DOCK1: variants seen among roughly 807,000 people sequenced by gnomAD.
The protein encoded by DOCK1 is dedicator of cytokinesis protein 1.
Under a neutral mutation model 262.7 loss-of-function variants are expected in DOCK1, and 138 were observed. The observed-to-expected ratio is 0.53, with a 90% CI of 0.46 to 0.61. DOCK1 has a LOEUF of 0.61. Ranked by LOEUF, DOCK1 falls within the 20% of genes least tolerant of loss-of-function variation. The pLI, the probability that DOCK1 is intolerant of heterozygous loss-of-function variation, is 0.00. For synonymous variants in DOCK1, 866 were observed against 867.4 expected (o/e 1.00, Z 0.03); for missense variants, 1,908 against 2,370.7 (o/e 0.80, Z 4.05).
chr10:126,949,108 C>G (rs1564999206), intron 1 of DOCK1, among the ~76,000 whole-genome samples: 6 of 152,122 alleles, frequency 3.9e-5, no homozygotes, highest in Non-Finnish European at 1.5e-5. Context: ...GAGGTGCATC[C>G]TGCCCTTGCT....
chr10:127,087,997 G>T lies in DOCK1; in HGVS notation c.2446-18234G>T, dbSNP rs536117500. 3.9e-5 allele frequency among the ~76,000 whole-genome samples: 6 copies of T among 152,224 alleles called. No homozygotes were observed. The South Asian group carries it at 1.2e-3, about 32-fold the overall frequency. ...TGTAATTATTTTCTTGCCAGCGTTC[G>T]TATTTAATTGCTAAGTTTTCTCTGA... On this transcript the variant is annotated intron_variant, in intron 23 of 51. Transcript: ENST00000623213.
intron 27 of DOCK1, among the ~76,000 whole-genome samples, chr10:127,211,730 A>G (rs1324226699): frequency 2.6e-5 from 4 of 152,208 alleles, no homozygotes; most frequent in African/African-American, 9.7e-5. Context: ...TGAAAAGTGA[A>G]GACGTCATGA....
intron 49 of DOCK1, among the ~76,000 whole-genome samples, chr10:127,441,422 C>A (rs578064510): frequency 6.6e-6 from 1 of 152,340 alleles, no homozygotes; most frequent in South Asian, 2.1e-4. Context: ...CAGCTTGAAC[C>A]TTCCAGCACC....
chr10:126,952,518 ATTC>A (rs1180418406), intron 1 of DOCK1, among the ~76,000 whole-genome samples: 2 of 142,518 alleles, frequency 1.4e-5, no homozygotes, highest in South Asian at 2.3e-4. Flanking sequence ...TGGTGTTGTT[ATTC>A]TTGGTAGTAC....
intron 18 of DOCK1, 77 bp downstream of exon 18, chr10:127,032,397 G>A: frequency 1.4e-6 from 2 of 1,429,732 alleles, no homozygotes; most frequent in African/African-American, 1.4e-5. Context: ...CTTCCTATGT[G>A]GAGGTGTGCT....
At chr10:127,153,959 G>T (rs369528960) in intron 27 of DOCK1, 4 of 1,519,910 alleles carry the variant, frequency 2.6e-6, no homozygotes, top group Non-Finnish European at 2.7e-6. Context: ...TACAAGCGGT[G>T]GCTGGGGGTC....
chr10:127,190,941 G>GA (rs1309188875), intron 27 of DOCK1, among the ~76,000 whole-genome samples: 1 of 151,948 alleles, frequency 6.6e-6, no homozygotes, highest in East Asian at 1.9e-4. Context: ...TTAATCTTCT[G>GA]AGAATATATG....
At position 127,175,186 on chromosome 10, in the gene DOCK1, C is replaced by A; in HGVS notation, c.2847+47422C>A. On this transcript the variant is annotated intron_variant, in intron 27 of 51. Coordinates refer to ENST00000623213, the MANE Select transcript of DOCK1 (RefSeq NM_001290223.2). This position sits in a 1 kb window ranked among gnomAD's most constrained non-coding sequence, Gnocchi z 6.3. ...CTGTGGTGATCAGCCTGCATAGCTT[C>A]CTAAGACATGGGTGAACATACATAC... The A allele has an allele frequency of 3.8e-6, 6 of 1,575,802 alleles. No individual in the cohort carries two copies. The highest frequency in any genetic ancestry group is 5.2e-6 in the Non-Finnish European group (6 of 1,155,266).
chr10:127,362,968 TACACATACACATACACATCC>T (rs2064644161), intron 33 of DOCK1, among the ~76,000 whole-genome samples: 1 of 3,738 alleles, frequency 2.7e-4, no homozygotes, highest in Admixed American at 3.5e-3. Context: ...CATCCCCACA[TACACATACACATACACATCC>T]CCCCCCACAC....
At chr10:126,990,685 A>C in intron 6 of DOCK1, 82 bp downstream of exon 6, 1 of 1,452,674 alleles carries the variant, frequency 6.9e-7, no homozygotes, top group Non-Finnish European at 9.1e-7. Context: ...GACCAAGATC[A>C]TATTTTATCA....
rs1465060783 is a variant in DOCK1, at chr10:127,444,139, G to A, written c.5273G>A (p.Arg1758Gln). The change falls in exon 50 of 52, where the codon CGG becomes CAG. Residue 1758 changes from arginine (R) to glutamine (Q), a missense_variant. Transcript: ENST00000623213. ...CTTTTGATGTAGATAAGTCCCCTGC[G>A]GCCCCAGAGACCGAAGAGCCAGGTG... ...VILSETISPL[R>Q]PQRPKSQVMN... is the part of the protein sequence containing the mutation. The A allele has an allele frequency of 5.7e-6, 9 of 1,567,484 alleles. No individual in the cohort carries two copies. The highest frequency in any genetic ancestry group is 6.9e-6 in the Non-Finnish European group (8 of 1,156,722).
intron 27 of DOCK1, among the ~76,000 whole-genome samples, chr10:127,242,766 T>G (rs2134714016): frequency 6.6e-6 from 1 of 152,354 alleles, no homozygotes. Context: ...TTTAAGCATT[T>G]GAGTGAGATT....
intron 29 of DOCK1, among the ~76,000 whole-genome samples, chr10:127,313,981 G>A (rs144215325): frequency 6.4e-4 from 97 of 152,278 alleles, no homozygotes; most frequent in Non-Finnish European, 1.1e-3. Flanking sequence ...TGTGTGGAAC[G>A]TATTTTATGT....
At chr10:126,985,868 G>A (rs1398354543) in intron 4 of DOCK1, among the ~76,000 whole-genome samples, 1 of 152,022 alleles carries the variant, frequency 6.6e-6, no homozygotes, top group East Asian at 1.9e-4. Flanking sequence ...TTTTTGAGAT[G>A]GTGTCTCGCT....
intron 27 of DOCK1, among the ~76,000 whole-genome samples, chr10:127,173,290 G>A (rs926455200): frequency 9.9e-5 from 15 of 152,090 alleles, no homozygotes; most frequent in African/African-American, 3.6e-4. Context: ...GAAGAAAGAA[G>A]GCACAGAGAC....
chr10:127,066,673 G>C, intron 23 of DOCK1, among the ~76,000 whole-genome samples: 1 of 152,228 alleles, frequency 6.6e-6, no homozygotes, highest in Non-Finnish European at 1.5e-5. Context: ...ATCAGTGGTT[G>C]ATAGAAATAG....
At chr10:127,449,974 G>A (rs2070848453) in intron 51 of DOCK1, among the ~76,000 whole-genome samples, 1 of 152,176 alleles carries the variant, frequency 6.6e-6, no homozygotes, top group African/African-American at 2.4e-5. Flanking sequence ...TTGGTATCAG[G>A]CTGTGTTAGT....
intron 29 of DOCK1, among the ~76,000 whole-genome samples, chr10:127,325,978 G>A (rs2062732522): frequency 1.3e-5 from 2 of 152,068 alleles, no homozygotes; most frequent in Non-Finnish European, 2.9e-5. Context: ...ACACTATAAA[G>A]TATTTTATTA....
In DOCK1 at chr10:127,175,875, A is replaced by C; in HGVS notation, c.2847+48111A>C. The C allele has an allele frequency of 6.2e-7, 1 of 1,613,816 alleles. No individual in the cohort carries two copies. The highest frequency in any genetic ancestry group is 8.5e-7 in the Non-Finnish European group (1 of 1,179,920). ...GTTCATGTGTTGGTTGGAATGGAAA[A>C]CCAAGGCTGTGGTCTTGTGCACCCG... On this transcript the variant is annotated intron_variant, in intron 27 of 51. Coordinates refer to ENST00000623213, the MANE Select transcript of DOCK1 (RefSeq NM_001290223.2). This position sits in a 1 kb window ranked among gnomAD's most constrained non-coding sequence, Gnocchi z 6.3.
Sources: allele counts gnomAD v4.1 joint callset (sites outside exome capture counted in the v4.1 genomes callset), GRCh38; gene constraint gnomAD v4.1.1; non-coding constraint Gnocchi (gnomAD v3.1); transcripts MANE v1.5; gene names NCBI Gene and HGNC (gene_info 2026-07-23, HGNC 2026-07-21).